Variants in ADGRB3 observed in about 807,000 individuals in gnomAD.
ADGRB3 encodes the protein brain-specific angiogenesis inhibitor 3.
A neutral mutation model predicts 193.4 loss-of-function variants in ADGRB3; 37 were observed. The ratio of observed to expected loss-of-function variants is 0.19; its 90% CI spans 0.15 to 0.25. The LOEUF is 0.25. Ranked by LOEUF, ADGRB3 falls within the 10% of genes least tolerant of loss-of-function variation. The pLI is 1.00. For synonymous variants in ADGRB3, 690 were observed against 644.2 expected (o/e 1.07, Z -1.08); for missense variants, 1,637 against 1,852.9 (o/e 0.88, Z 2.14).
At chr6:69,225,375 G>C (rs1015307507) in intron 17 of ADGRB3, among the ~76,000 whole-genome samples, 1 of 152,040 alleles carries the variant, frequency 6.6e-6, no homozygotes, top group African/African-American at 2.4e-5. Flanking sequence ...TTTTCTGTGA[G>C]ATATTAATTA....
intron 17 of ADGRB3, among the ~76,000 whole-genome samples, chr6:69,167,576 T>G (rs1007839500): frequency 1.3e-5 from 2 of 152,096 alleles, no homozygotes. Context: ...GTTTTTCCAG[T>G]TTTGTTTTTG....
chr6:68,843,177 C>G lies in ADGRB3; in HGVS notation c.758-87382C>G, dbSNP rs114994332. ...TTCAATATAGTACTGGAAGTCCTAT[C>G]TAGAGCAATCAGAAAAGAGAAAGAA... On this transcript the variant is annotated intron_variant, in intron 3 of 31. Coordinates refer to ENST00000370598, the MANE Select transcript of ADGRB3 (RefSeq NM_001704.3). Among the ~76,000 whole-genome samples the G allele has an allele frequency of 1.6e-3, 249 of 151,980 alleles. 3 individuals are homozygous for G. Among genetic ancestry groups the G allele is most frequent in the African/African-American group, 5.8e-3 (240 of 41,506 alleles).
At chr6:68,737,323 C>A (rs554882732) in intron 3 of ADGRB3, among the ~76,000 whole-genome samples, 8 of 152,010 alleles carry the variant, frequency 5.3e-5, no homozygotes, top group African/African-American at 1.9e-4. Flanking sequence ...TCTTTTTTTG[C>A]ATTTATTTAA....
At chr6:68,787,160 G>T (rs1441409031) in intron 3 of ADGRB3, among the ~76,000 whole-genome samples, 3 of 152,086 alleles carry the variant, frequency 2.0e-5, no homozygotes. Context: ...TCTCCTGCAT[G>T]ATTGCCCTGG....
chr6:68,930,454 T>A, intron 3 of ADGRB3, 105 bp from the exon 4 acceptor site: 1 of 618,396 alleles, frequency 1.6e-6, no homozygotes. Flanking sequence ...GTGAATTTAA[T>A]AATTATCTTC....
intron 3 of ADGRB3, among the ~76,000 whole-genome samples, chr6:68,652,581 A>G (rs537515274): frequency 2.7e-4 from 41 of 152,290 alleles, no homozygotes; most frequent in African/African-American, 9.6e-4. Flanking sequence ...TGTTTTTCTC[A>G]CATACTAGTT....
intron 8 of ADGRB3, among the ~76,000 whole-genome samples, chr6:68,973,891 A>G (rs1485578106): frequency 6.6e-6 from 1 of 152,130 alleles, no homozygotes; most frequent in East Asian, 1.9e-4. Context: ...TTTCACTACT[A>G]TTTTGCATTT....
intron 26 of ADGRB3, among the ~76,000 whole-genome samples, chr6:69,347,742 G>A (rs1769132731): frequency 6.6e-6 from 1 of 151,954 alleles, no homozygotes; most frequent in African/African-American, 2.4e-5. Flanking sequence ...CCATGATTGA[G>A]CCACTGCACT....
intron 20 of ADGRB3, among the ~76,000 whole-genome samples, chr6:69,304,263 C>T (rs564166629): frequency 3.3e-5 from 5 of 151,788 alleles, no homozygotes; most frequent in Middle Eastern, 3.4e-3. Context: ...ATAATTAAAT[C>T]ATCATGGAAA....
intron 3 of ADGRB3, among the ~76,000 whole-genome samples, chr6:68,715,527 A>G (rs979585257): frequency 6.6e-6 from 1 of 151,780 alleles, no homozygotes; most frequent in African/African-American, 2.4e-5. Context: ...ATGTACCCAT[A>G]CTAGAGCCAA....
intron 13 of ADGRB3, among the ~76,000 whole-genome samples, chr6:69,040,675 C>CAAAAAAAAAAAAAAAAAAAAAAA (rs869146684): frequency 1.0e-4 from 2 of 19,526 alleles, no homozygotes; most frequent in Non-Finnish European, 8.6e-5. Context: ...GACTGATGGA[C>CAAAAAAAAAAAAAAAAAAAAAAA]AAAAAAAAAA....
chr6:69,226,152 A>G (rs1436991130), intron 17 of ADGRB3, among the ~76,000 whole-genome samples: 1 of 152,180 alleles, frequency 6.6e-6, no homozygotes, highest in African/African-American at 2.4e-5. Flanking sequence ...TTTAATGTGT[A>G]TTTTATGACA....
chr6:68,868,943 G>GTGTGTGTGTT (rs1765384356), intron 3 of ADGRB3, among the ~76,000 whole-genome samples: 1 of 150,798 alleles, frequency 6.6e-6, no homozygotes, highest in Non-Finnish European at 1.5e-5. Flanking sequence ...GTGTGTGTGA[G>GTGTGTGTGTT]TGTGTGTGTT....
At chr6:68,864,088 A>G (rs1765228212) in intron 3 of ADGRB3, among the ~76,000 whole-genome samples, 1 of 152,184 alleles carries the variant, frequency 6.6e-6, no homozygotes, top group African/African-American at 2.4e-5. Flanking sequence ...GCTTTATACC[A>G]TCTTATCAAA....
chr6:68,780,588 G>T (rs542911669), intron 3 of ADGRB3, among the ~76,000 whole-genome samples: 1 of 152,194 alleles, frequency 6.6e-6, no homozygotes, highest in African/African-American at 2.4e-5. Context: ...AGCCATGTAA[G>T]AACTCCATTT....
intron 3 of ADGRB3, among the ~76,000 whole-genome samples, chr6:68,790,511 C>T (rs1255972791): frequency 6.6e-6 from 1 of 152,120 alleles, no homozygotes; most frequent in Admixed American, 6.5e-5. Context: ...CCCTGACCCC[C>T]GAGTAGCCTA....
chr6:68,801,896 A>C (rs1767318686), intron 3 of ADGRB3, among the ~76,000 whole-genome samples: 1 of 152,134 alleles, frequency 6.6e-6, no homozygotes, highest in African/African-American at 2.4e-5. Context: ...AGCCTAGATT[A>C]AACTGACCTC....
At chr6:69,044,552 G>A (rs1424279497) in intron 13 of ADGRB3, among the ~76,000 whole-genome samples, 3 of 152,138 alleles carry the variant, frequency 2.0e-5, no homozygotes, top group African/African-American at 7.2e-5. Context: ...GCTTTCTGAT[G>A]AACAAAAATC....
At chr6:69,321,649 G>T (rs1331646673) in intron 20 of ADGRB3, among the ~76,000 whole-genome samples, 2 of 151,722 alleles carry the variant, frequency 1.3e-5, no homozygotes, top group Non-Finnish European at 2.9e-5. Flanking sequence ...ATGTGGATTT[G>T]GGTTATGTAA....
Sources: gnomAD v4.1 joint callset for allele counts (sites outside exome capture counted in the v4.1 genomes callset) on GRCh38, gnomAD v4.1.1 for gene constraint, MANE v1.5 for transcripts, NCBI Gene and HGNC (gene_info 2026-07-23, HGNC 2026-07-21) for gene names.